The following STK32B variants were observed in gnomAD, a reference collection of about 807,000 sequenced individuals.
STK32B encodes the protein serine/threonine kinase 32B.
A neutral mutation model predicts 52.6 loss-of-function variants in STK32B; 43 were observed. That is an observed-to-expected ratio of 0.82 (90% CI 0.64 to 1.05). The LOEUF (loss-of-function observed/expected upper bound fraction) is 1.05. Ranked by LOEUF, STK32B falls within the 50% of genes least tolerant of loss-of-function variation. STK32B has a pLI of 0.00. For synonymous variants in STK32B, 238 were observed against 204.3 expected (o/e 1.17, Z -1.41); for missense variants, 621 against 534.6 (o/e 1.16, Z -1.59).
intron 11 of STK32B, among the ~76,000 whole-genome samples, chr4:5,496,885 A>T (rs1720310712): frequency 6.6e-6 from 1 of 152,128 alleles, no homozygotes; most frequent in South Asian, 2.1e-4. Context: ...CATAGATATT[A>T]TGTCAGACTA....
chr4:5,046,373 G>A, the STK32B span, among the ~76,000 whole-genome samples: 1 of 152,124 alleles, frequency 6.6e-6, no homozygotes, highest in African/African-American at 2.4e-5. Context: ...ACTCAAGATG[G>A]ATTAAAGACT....
At chr4:5,319,335 A>C (rs538259624) in intron 3 of STK32B, among the ~76,000 whole-genome samples, 1 of 152,284 alleles carries the variant, frequency 6.6e-6, no homozygotes, top group East Asian at 1.9e-4. Context: ...CTTACCAATG[A>C]AGCAATATTG....
At chr4:5,274,869 G>T (rs1026246156) in intron 3 of STK32B, among the ~76,000 whole-genome samples, 1 of 152,156 alleles carries the variant, frequency 6.6e-6, no homozygotes, top group Non-Finnish European at 1.5e-5. Flanking sequence ...CAGGGTGTCC[G>T]CTATGCTCCT....
At chr4:5,415,438 C>T (rs1011459039) in intron 5 of STK32B, among the ~76,000 whole-genome samples, 3 of 152,204 alleles carry the variant, frequency 2.0e-5, no homozygotes, top group African/African-American at 7.2e-5. Flanking sequence ...CCAACTACTA[C>T]TACACACTGC....
At chr4:5,249,480 TTCCTTCC>T (rs1725747949) in intron 3 of STK32B, among the ~76,000 whole-genome samples, 1 of 146,860 alleles carries the variant, frequency 6.8e-6, no homozygotes, top group Non-Finnish European at 1.5e-5. Context: ...CCTTCCTTCC[TTCCTTCC>T]TTCCTTCCTT....
chr4:5,023,897 G>A, the STK32B span, among the ~76,000 whole-genome samples: 1 of 152,156 alleles, frequency 6.6e-6, no homozygotes, highest in African/African-American at 2.4e-5. Context: ...AACCCTTCCT[G>A]GGAGATCTGG....
At chr4:5,099,577 T>G (rs1341999171) in intron 1 of STK32B, among the ~76,000 whole-genome samples, 1 of 152,014 alleles carries the variant, frequency 6.6e-6, no homozygotes, top group Non-Finnish European at 1.5e-5. Context: ...AAATTTTCAG[T>G]GGTGGAAAGG....
intron 11 of STK32B, among the ~76,000 whole-genome samples, chr4:5,477,744 C>T (rs1356040347): frequency 2.6e-5 from 4 of 152,144 alleles, no homozygotes; most frequent in South Asian, 2.1e-4. Context: ...GATGGTAGCA[C>T]GCAGCACTTC....
At chr4:5,034,592 T>A in the STK32B span, among the ~76,000 whole-genome samples, 1 of 152,252 alleles carries the variant, frequency 6.6e-6, no homozygotes, top group African/African-American at 2.4e-5. Context: ...TTGTGCCTGA[T>A]GCTCTGCAGA....
intron 1 of STK32B, among the ~76,000 whole-genome samples, chr4:5,098,172 T>G (rs1218860385): frequency 6.6e-6 from 1 of 152,228 alleles, no homozygotes; most frequent in Non-Finnish European, 1.5e-5. Flanking sequence ...CATCTCTTGA[T>G]GTGAGGACCT....
At chr4:5,312,680 C>T (rs868371640) in intron 3 of STK32B, among the ~76,000 whole-genome samples, 1 of 151,918 alleles carries the variant, frequency 6.6e-6, no homozygotes, top group African/African-American at 2.4e-5. Context: ...TTAATCCAGT[C>T]TATCATTGTT....
intron 3 of STK32B, among the ~76,000 whole-genome samples, chr4:5,310,049 C>T (rs1034068697): frequency 1.4e-4 from 22 of 152,008 alleles, no homozygotes; most frequent in African/African-American, 5.3e-4. Flanking sequence ...TGCTGCAGTC[C>T]CAGCTACTCA....
chr4:5,207,244 A>G (rs1325070507), intron 3 of STK32B, among the ~76,000 whole-genome samples: 1 of 152,142 alleles, frequency 6.6e-6, no homozygotes, highest in Non-Finnish European at 1.5e-5. Context: ...CTGTGTCCCT[A>G]CCCAAATCTC....
chr4:5,487,857 G>A (rs1719366738), intron 11 of STK32B, among the ~76,000 whole-genome samples: 1 of 152,154 alleles, frequency 6.6e-6, no homozygotes, highest in African/African-American at 2.4e-5. Flanking sequence ...GCATCAGGAA[G>A]CTTGGTGAAC....
intron 3 of STK32B, among the ~76,000 whole-genome samples, chr4:5,234,313 C>G (rs1329733036): frequency 1.3e-5 from 2 of 152,184 alleles, no homozygotes; most frequent in African/African-American, 2.4e-5. Flanking sequence ...CTGAAATGAG[C>G]TATTGTATAC....
chr4:5,355,914 A>G (rs896156938), intron 4 of STK32B, among the ~76,000 whole-genome samples: 5 of 152,188 alleles, frequency 3.3e-5, no homozygotes, highest in African/African-American at 9.7e-5. Context: ...AGACATTTCT[A>G]GGAGCAGCAG....
At chr4:5,128,911 C>A (rs1342140378) in intron 1 of STK32B, among the ~76,000 whole-genome samples, 1 of 152,190 alleles carries the variant, frequency 6.6e-6, no homozygotes, top group Non-Finnish European at 1.5e-5. Context: ...GTTGGAATTT[C>A]TGGGGTAAAA....
intron 2 of STK32B, among the ~76,000 whole-genome samples, chr4:5,143,121 G>GTCTA (rs1716620328): frequency 6.8e-6 from 1 of 147,544 alleles, no homozygotes; most frequent in Admixed American, 6.8e-5. Flanking sequence ...CTGTCTGTCT[G>GTCTA]TCTGTCTGTC....
chr4:5,174,223 A>G (rs1043825994), intron 3 of STK32B, among the ~76,000 whole-genome samples: 5 of 152,066 alleles, frequency 3.3e-5, no homozygotes, highest in Non-Finnish European at 7.4e-5. Flanking sequence ...TTTCCTGAAT[A>G]CAGGACACTG....
Sources: gnomAD v4.1 joint callset for allele counts (sites outside exome capture counted in the v4.1 genomes callset) on GRCh38, gnomAD v4.1.1 for gene constraint, MANE v1.5 for transcripts, NCBI Gene and HGNC (gene_info 2026-07-23, HGNC 2026-07-21) for gene names.